Variants in QRICH1 observed in about 807,000 individuals in gnomAD.
QRICH1 encodes glutamine rich 1.
QRICH1 carries 16 observed loss-of-function variants against 87.1 expected under a neutral mutation model. The observed-to-expected ratio is 0.18, with a 90% CI of 0.12 to 0.28. The LOEUF (loss-of-function observed/expected upper bound fraction) is 0.28, where lower values mean the gene tolerates loss of function less well. Ranked by LOEUF, QRICH1 falls within the 10% of genes least tolerant of loss-of-function variation. The pLI is 1.00. For missense variants in QRICH1, 647 were observed against 951.7 expected (o/e 0.68, Z 4.21); for synonymous variants, 367 against 368.4 (o/e 1.00, Z 0.05).
chr3:49,033,797 G>C (rs1161426342), intron 6 of QRICH1: 2 of 152,064 alleles, frequency 1.3e-5, no homozygotes, highest in African/African-American at 4.8e-5. Context: ...GACCATCCTG[G>C]CCAATATGGT....
intron 1 of QRICH1, among the ~76,000 whole-genome samples, chr3:49,092,028 C>T (rs2042286008): frequency 6.6e-6 from 1 of 151,592 alleles, no homozygotes; most frequent in African/African-American, 2.4e-5. Context: ...GCCGAGATCA[C>T]ACCCCTGCAC....
At chr3:49,069,878 T>C (rs1379658363) in intron 2 of QRICH1, among the ~76,000 whole-genome samples, 1 of 152,116 alleles carries the variant, frequency 6.6e-6, no homozygotes, top group Non-Finnish European at 1.5e-5. Flanking sequence ...TACATATGTG[T>C]ATGTGTGTGT....
intron 1 of QRICH1, chr3:49,093,654 G>C (rs1237012410): frequency 5.8e-6 from 1 of 173,168 alleles, no homozygotes; most frequent in Non-Finnish European, 1.2e-5. Flanking sequence ...CAGCGCGCGC[G>C]CGTAAAAACA....
intron 3 of QRICH1, among the ~76,000 whole-genome samples, chr3:49,051,939 TA>T (rs2093373579): frequency 6.6e-6 from 1 of 152,174 alleles, no homozygotes. Context: ...GAGGAGGCAA[TA>T]ATGCAACCCA....
At chr3:49,030,802 C>T (rs2093232353) in intron 9 of QRICH1, among the ~76,000 whole-genome samples, 158 bp from the exon 10 acceptor site, 1 of 152,108 alleles carries the variant, frequency 6.6e-6, no homozygotes, top group African/African-American at 2.4e-5. Flanking sequence ...ACATCCTGGT[C>T]CTCCTTTGGG....
intron 2 of QRICH1, among the ~76,000 whole-genome samples, chr3:49,069,216 C>T (rs1230378976): frequency 6.6e-6 from 1 of 150,806 alleles, no homozygotes; most frequent in Admixed American, 6.7e-5. Context: ...CAATTCTCTG[C>T]CTCAGCCTCC....
At chr3:49,093,833 C>G in intron 1 of QRICH1, 79 bp downstream of exon 1, 1 of 273,376 alleles carries the variant, frequency 3.7e-6, no homozygotes, top group Non-Finnish European at 6.8e-6. Context: ...CGCCCGCCCC[C>G]GCCCGCCGTT....
chr3:49,072,148 T>C (rs1296089683), intron 2 of QRICH1, among the ~76,000 whole-genome samples: 1 of 152,120 alleles, frequency 6.6e-6, no homozygotes, highest in Non-Finnish European at 1.5e-5. Flanking sequence ...CTAGCCAACA[T>C]GGTGAAACCC....
At chr3:49,036,689 G>T (rs201152303) in intron 6 of QRICH1, among the ~76,000 whole-genome samples, 1 of 82,442 alleles carries the variant, frequency 1.2e-5, no homozygotes. Flanking sequence ...AAGAAAAAAA[G>T]AAAAAACAAA....
At position 49,030,338 on chromosome 3, in the gene QRICH1, C is replaced by A; in HGVS notation, c.*114G>T. The A allele has an allele frequency of 9.8e-7, 1 of 1,017,876 alleles. No individual in the cohort carries two copies. Among genetic ancestry groups the A allele is most frequent in the Non-Finnish European group, 1.4e-6 (1 of 713,078 alleles). 63.1% of individuals were successfully genotyped at this position (1,017,876 alleles called of 1,614,324 possible). Reference sequence around the variant, plus strand: ...TTTTAAACAGAAGCAGCCTGAAAGGCTTCGTAACTACACCAATAAAAAAAA... The same window carrying A: ...TTTTAAACAGAAGCAGCCTGAAAGGATTCGTAACTACACCAATAAAAAAAA... On this transcript the variant is annotated 3_prime_UTR_variant, in exon 10 of 10. Transcript: ENST00000395443.
At chr3:49,065,668 T>C (rs1223454208) in intron 2 of QRICH1, among the ~76,000 whole-genome samples, 2 of 151,742 alleles carry the variant, frequency 1.3e-5, no homozygotes, top group South Asian at 2.1e-4. Flanking sequence ...GCTTGGAGGC[T>C]ACCAGGAGTC....
At chr3:49,050,983 A>T (rs2093367151) in intron 3 of QRICH1, among the ~76,000 whole-genome samples, 1 of 152,202 alleles carries the variant, frequency 6.6e-6, no homozygotes. Context: ...TTTATTAAAA[A>T]GTTTGTCACC....
Position 49,033,222 on chromosome 3 carries a change from A to G in QRICH1, c.1793T>C (p.Val598Ala). The change falls in exon 7 of 10, where the codon GTC (valine) becomes GCC (alanine). Residue 598 changes from valine (V) to alanine (A), a missense_variant. Coordinates refer to ENST00000395443, the MANE Select transcript of QRICH1 (RefSeq NM_198880.3). The stretch of plus-strand genomic sequence containing the variant: ...CTCCTCAGTCACGTGGCTGGGCAAG[A>G]CATAGCCTAGGAGGAATAGAGTACT... ...VQPRVTPLGY[V>A]LPSHVTEEML... is the part of the protein sequence containing the mutation. 1.3e-6 allele frequency: 2 copies of G among 1,560,048 alleles called. No homozygotes were observed. The highest frequency in any genetic ancestry group is 1.7e-6 in the Non-Finnish European group (2 of 1,154,992).
intron 3 of QRICH1, among the ~76,000 whole-genome samples, chr3:49,049,966 G>A (rs1479687475): frequency 2.0e-5 from 3 of 151,536 alleles, no homozygotes; most frequent in South Asian, 2.1e-4. Context: ...TCTGGAGGCC[G>A]AGGCAGGCAG....
At chr3:49,055,671 T>A (rs1249945083) in intron 3 of QRICH1, among the ~76,000 whole-genome samples, 1 of 152,026 alleles carries the variant, frequency 6.6e-6, no homozygotes, top group African/African-American at 2.4e-5. Context: ...CACTAATAGT[T>A]TTTTTGTTTG....
intron 2 of QRICH1, among the ~76,000 whole-genome samples, chr3:49,059,620 A>G (rs777396830): frequency 2.0e-5 from 3 of 148,460 alleles, no homozygotes; most frequent in Non-Finnish European, 4.5e-5. Context: ...AGGTTTCACC[A>G]TGTTGGTTGG....
chr3:49,067,991 A>C (rs1413815123), intron 2 of QRICH1, among the ~76,000 whole-genome samples: 1 of 152,060 alleles, frequency 6.6e-6, no homozygotes, highest in South Asian at 2.1e-4. Flanking sequence ...AAAACAACCC[A>C]CAATTCTTTC....
intron 7 of QRICH1, 39 bp from the exon 8 acceptor site, chr3:49,032,812 C>T (rs374743886): frequency 8.0e-5 from 127 of 1,581,058 alleles, no homozygotes; most frequent in Middle Eastern, 3.7e-4. Context: ...GGGAGGGGTG[C>T]CGGGAGGATA....
rs1483351296 is a variant in QRICH1 at position 49,088,285 on chromosome 3, TTTTG to T, written c.-22+5623_-22+5626del. Among the ~76,000 whole-genome samples, 5 of 151,686 alleles carry T rather than the reference TTTTG, an allele frequency of 3.3e-5. No homozygotes were observed. In the East Asian group the frequency reaches 9.7e-4, roughly 29 times the overall value. Reference sequence around the variant, plus strand: ...ACGTATTTCTATTCTTTTGCCTGGGTTTTGTTTCTTTGTATTTTTATTTTTTTGA... The same window carrying T: ...ACGTATTTCTATTCTTTTGCCTGGGTTTTCTTTGTATTTTTATTTTTTTGA... On this transcript the variant is annotated intron_variant, in intron 1 of 9. Coordinates refer to ENST00000395443, the MANE Select transcript of QRICH1 (RefSeq NM_198880.3).
Sources: gnomAD v4.1 joint callset for allele counts (sites outside exome capture counted in the v4.1 genomes callset) on GRCh38, gnomAD v4.1.1 for gene constraint, MANE v1.5 for transcripts, NCBI Gene and HGNC (gene_info 2026-07-23, HGNC 2026-07-21) for gene names.